The following UNK variants were observed in gnomAD, a reference collection of about 807,000 sequenced individuals.
UNK encodes unk zinc finger.
UNK carries 32 observed loss-of-function variants against 97.6 expected under a neutral mutation model. That is an observed-to-expected ratio of 0.33 (90% CI 0.25 to 0.44). The LOEUF (loss-of-function observed/expected upper bound fraction) is 0.44. Ranked by LOEUF, UNK falls within the 20% of genes least tolerant of loss-of-function variation. The probability of loss-of-function intolerance (pLI) is 1.00; values close to 1 mark genes in which losing one functional copy is unlikely to be tolerated. For synonymous variants in UNK, 441 were observed against 461.2 expected (o/e 0.96, Z 0.56); for missense variants, 771 against 1,098.4 (o/e 0.70, Z 4.21).
At position 75,809,955 on chromosome 17, in the gene UNK, C is replaced by T. The variant is rs745502645; in HGVS notation, c.300C>T (p.Cys100=). The T allele has an allele frequency of 1.9e-5, 30 of 1,613,444 alleles. No individual in the cohort carries two copies. The South Asian group carries it at 2.9e-4, about 15-fold the overall frequency. The change falls in exon 2 of 16, where the codon TGC becomes TGT. Residue 100 remains cysteine (C), a synonymous_variant. Transcript: ENST00000589666. The part of the protein sequence containing the change: ...CTKYDEATGL[C]PEGDECPFLH... The stretch of plus-strand genomic sequence containing the variant: ...AGTACGACGAGGCTACAGGCCTCTG[C>T]CCGGAGGGCGACGAGTGAGTGACCC...
chr17:75,815,168 G>T lies in UNK; in HGVS notation c.877-1G>T. On this transcript the variant is annotated splice_acceptor_variant, in intron 6 of 15. Coordinates refer to ENST00000589666, the MANE Select transcript of UNK (RefSeq NM_001080419.3). LOFTEE classifies it high-confidence loss of function. ...TGACTTGCCTGTGCTCTGCCCTCCA[G>T]ATCTACAAGTCCACCAAGTGCAACG... 1 of 1,612,726 alleles carries T rather than the reference G, an allele frequency of 6.2e-7. No homozygotes were observed. Among genetic ancestry groups the T allele is most frequent in the Non-Finnish European group, 8.5e-7 (1 of 1,179,538 alleles).
At chr17:75,806,856 A>T (rs1370091240) in intron 1 of UNK, among the ~76,000 whole-genome samples, 1 of 152,220 alleles carries the variant, frequency 6.6e-6, no homozygotes, top group Non-Finnish European at 1.5e-5. Context: ...GGACAGAGAA[A>T]GGCCAGAAAC....
chr17:75,794,100 T>C (rs2061784809), intron 1 of UNK: 1 of 983,876 alleles, frequency 1.0e-6, no homozygotes, highest in Non-Finnish European at 1.2e-6. Flanking sequence ...ATTTCCTGAT[T>C]AAAAACAAAG....
At chr17:75,820,977 T>G (rs1198605200) in intron 13 of UNK, among the ~76,000 whole-genome samples, 1 of 152,194 alleles carries the variant, frequency 6.6e-6, no homozygotes, top group South Asian at 2.1e-4. Flanking sequence ...GGCTGTTCTC[T>G]GTTACGTTGA....
At chr17:75,802,632 C>T (rs2061871796) in intron 1 of UNK, among the ~76,000 whole-genome samples, 1 of 152,140 alleles carries the variant, frequency 6.6e-6, no homozygotes. Context: ...CAGGCTACAA[C>T]TGAAGCAGGT....
chr17:75,799,354 A>G (rs2143712598), intron 1 of UNK, among the ~76,000 whole-genome samples: 1 of 152,328 alleles, frequency 6.6e-6, no homozygotes, highest in East Asian at 1.9e-4. Context: ...CACCAATGAC[A>G]AAAGAGCCAG....
intron 1 of UNK, among the ~76,000 whole-genome samples, chr17:75,805,462 T>C (rs944014011): frequency 2.7e-5 from 4 of 150,132 alleles, no homozygotes; most frequent in Non-Finnish European, 5.9e-5. Context: ...GCAATACCTA[T>C]GTATGTGAAA....
chr17:75,793,605 C>G, intron 1 of UNK: 1 of 985,378 alleles, frequency 1.0e-6, no homozygotes. Context: ...CCTGTGACAG[C>G]CTGTGACAGT....
intron 7 of UNK, among the ~76,000 whole-genome samples, chr17:75,815,915 G>T (rs1458689614): frequency 6.8e-6 from 1 of 147,898 alleles, no homozygotes; most frequent in Non-Finnish European, 1.5e-5. Context: ...AATTAAAAAA[G>T]AATTAAACAT....
At chr17:75,785,076 T>TCTTCCTCCCCCC (rs1169771105) in intron 1 of UNK, 92 bp downstream of exon 1, 1 of 780,314 alleles carries the variant, frequency 1.3e-6, no homozygotes. Flanking sequence ...CGAGGCGGCC[T>TCTTCCTCCCCCC]CTTCCTCCCC....
At chr17:75,808,380 G>C (rs956205404) in intron 1 of UNK, among the ~76,000 whole-genome samples, 1 of 152,162 alleles carries the variant, frequency 6.6e-6, no homozygotes, top group Non-Finnish European at 1.5e-5. Flanking sequence ...GCCCAGAGAT[G>C]AGGCCCTTGA....
chr17:75,815,566 C>G (rs962825876), intron 7 of UNK, among the ~76,000 whole-genome samples: 1 of 152,222 alleles, frequency 6.6e-6, no homozygotes, highest in Non-Finnish European at 1.5e-5. Context: ...ACCAGCCACC[C>G]CATGTCATAC....
intron 1 of UNK, among the ~76,000 whole-genome samples, chr17:75,803,687 AATC>A (rs1180121613): frequency 6.6e-6 from 1 of 152,204 alleles, no homozygotes; most frequent in Non-Finnish European, 1.5e-5. Context: ...TGGTTTTGTG[AATC>A]ATCATCAGTT....
intron 2 of UNK, 143 bp from the exon 3 acceptor site, chr17:75,811,969 A>G (rs1176583597): frequency 1.0e-5 from 11 of 1,050,730 alleles, no homozygotes; most frequent in Non-Finnish European, 1.5e-5. Flanking sequence ...CTGGCGACAG[A>G]GCAAGACTCC....
At chr17:75,823,159 G>GCTTC in intron 14 of UNK, 106 bp from the exon 15 acceptor site, 1 of 1,486,652 alleles carries the variant, frequency 6.7e-7, no homozygotes, top group South Asian at 1.4e-5. Context: ...AGCCAACCCA[G>GCTTC]CTTCCCACCA....
intron 13 of UNK, chr17:75,821,850 G>A (rs767010132): frequency 1.0e-5 from 4 of 397,926 alleles, no homozygotes; most frequent in South Asian, 5.5e-5. Context: ...GGCTGTGCAC[G>A]CAGCATAGTT....
Position 75,822,481 on chromosome 17 carries a change from G to C in UNK, c.1842G>C (p.Leu614=). The C allele has an allele frequency of 6.2e-7, 1 of 1,611,804 alleles. No individual in the cohort carries two copies. The highest frequency in any genetic ancestry group is 2.2e-5 in the East Asian group (1 of 44,836). Residue 614 remains leucine (L), a synonymous_variant, in exon 14 of 16, where the codon CTG becomes CTC. Coordinates refer to ENST00000589666, the MANE Select transcript of UNK (RefSeq NM_001080419.3). ...GTSASHGSLG[L]NGMNSSIWEH... ...TTCTTCCCCTCCTTGGGGCAGGTCTGAACGGGATGAACAGCAGCATCTGGG... is the reference window on the plus strand; with the variant it reads ...TTCTTCCCCTCCTTGGGGCAGGTCTCAACGGGATGAACAGCAGCATCTGGG...
chr17:75,821,730 C>A, intron 13 of UNK: 1 of 456,510 alleles, frequency 2.2e-6, no homozygotes, highest in Non-Finnish European at 4.4e-6. Flanking sequence ...GGATATGGGT[C>A]CTTCTCGGAA....
At chr17:75,822,428 C>T in intron 13 of UNK, 49 bp from the exon 14 acceptor site, 1 of 1,555,694 alleles carries the variant, frequency 6.4e-7, no homozygotes, top group Non-Finnish European at 8.7e-7. Context: ...TGGCCAGGGC[C>T]TGGGCCCAAA....
Sources: allele counts gnomAD v4.1 joint callset (sites outside exome capture counted in the v4.1 genomes callset), GRCh38; gene constraint gnomAD v4.1.1; transcripts MANE v1.5; gene names NCBI Gene and HGNC (gene_info 2026-07-23, HGNC 2026-07-21).